KCNG1: variants seen among roughly 807,000 people sequenced by gnomAD.
KCNG1 encodes the protein voltage-gated potassium channel regulatory subunit KCNG1.
KCNG1 carries 17 observed loss-of-function variants against 32.4 expected under a neutral mutation model. The ratio of observed to expected loss-of-function variants is 0.52; its 90% confidence interval spans 0.36 to 0.79. The LOEUF is 0.79. KCNG1 is among the 30% of genes least tolerant of loss of function. The pLI is 0.00. For missense variants in KCNG1, 441 were observed against 735.2 expected (o/e 0.60, Z 4.63); for synonymous variants, 358 against 339.9 (o/e 1.05, Z -0.59).
In KCNG1 at chr20:51,009,553, G is replaced by T. The variant is rs1049830465; in HGVS notation, c.774+12C>A. The T allele has an allele frequency of 1.9e-6, 3 of 1,583,226 alleles. No homozygotes were observed. The highest frequency in any genetic ancestry group is 2.6e-6 in the Non-Finnish European group (3 of 1,167,040). Reference sequence around the variant, plus strand: ...GTGGTGGCGCGTTTCCCCGCGGGGCGTGGGCTCTTACCTGCTCCTCCTCCT... The same window carrying T: ...GTGGTGGCGCGTTTCCCCGCGGGGCTTGGGCTCTTACCTGCTCCTCCTCCT... On this transcript the variant is annotated intron_variant, in intron 2 of 2. Transcript: ENST00000371571.
At chr20:51,013,322 A>AAAAAC (rs1166848432) in intron 1 of KCNG1, among the ~76,000 whole-genome samples, 2 of 150,352 alleles carry the variant, frequency 1.3e-5, no homozygotes, top group Admixed American at 1.3e-4. Context: ...AACAAAACAA[A>AAAAAC]AAAACAAAAT....
At position 51,004,117 on chromosome 20, in the gene KCNG1, G is replaced by T; in HGVS notation, c.1464C>A (p.Thr488=). 1.2e-6 allele frequency: 2 copies of T among 1,614,206 alleles called. No individual in the cohort carries two copies. Among genetic ancestry groups the T allele is most frequent in the Middle Eastern group, 1.6e-4 (1 of 6,062 alleles). Residue 488 remains threonine, a synonymous_variant, in exon 3 of 3, where the codon ACC becomes ACA. Coordinates refer to ENST00000371571, the MANE Select transcript of KCNG1 (RefSeq NM_002237.4). This position sits in a 1 kb window ranked among gnomAD's most constrained non-coding sequence, Gnocchi z 4.3. The stretch of plus-strand genomic sequence containing the variant: ...CCTGGGACACGCTCAGCTGCGACTT[G>T]GTTTTGATGAGGAACTGCGCCCTCC... ...MFRRAQFLIK[T]KSQLSVSQDS... is the part of the protein sequence containing the mutation.
At chr20:51,010,730 A>C (rs1988053052) in intron 1 of KCNG1, among the ~76,000 whole-genome samples, 1 of 152,112 alleles carries the variant, frequency 6.6e-6, no homozygotes. Context: ...CCCTGTCTCT[A>C]CTAAAAGTAC....
Position 51,009,716 on chromosome 20 carries a change from C to T in KCNG1, c.623G>A (p.Arg208His), listed in dbSNP as rs905675787. 6.2e-7 allele frequency: 1 copy of T among 1,604,322 alleles called. No individual in the cohort carries two copies. Among genetic ancestry groups the T allele is most frequent in the Non-Finnish European group, 8.5e-7 (1 of 1,178,042 alleles). Residue 208 changes from arginine (R) to histidine (H), a missense_variant, in exon 2 of 3, where the codon CGC becomes CAC. Arg to His is a conservative substitution (Grantham distance 29). Coordinates refer to ENST00000371571, the MANE Select transcript of KCNG1 (RefSeq NM_002237.4). The stretch of plus-strand genomic sequence containing the variant: ...CATGTCGCGCAGTCGCCGCATGCAG[C>T]GCCCCAGGCGGCCCTCGCCCTCGGC... ...GPAEGEGRLG[R>H]CMRRLRDMVE...
chr20:51,007,930 C>T (rs1308296558), intron 2 of KCNG1: 3 of 152,136 alleles, frequency 2.0e-5, no homozygotes, highest in Non-Finnish European at 4.4e-5. Flanking sequence ...CTGCTACTTC[C>T]TCCACATACA....
At chr20:51,012,014 A>G (rs1988112691) in intron 1 of KCNG1, among the ~76,000 whole-genome samples, 1 of 152,148 alleles carries the variant, frequency 6.6e-6, no homozygotes, top group South Asian at 2.1e-4. Flanking sequence ...GCTGGTCTTG[A>G]ACTCCTGACC....
chr20:51,017,688 T>G (rs1988329081), intron 1 of KCNG1, among the ~76,000 whole-genome samples: 1 of 152,114 alleles, frequency 6.6e-6, no homozygotes, highest in Non-Finnish European at 1.5e-5. Flanking sequence ...GGCCCAGGAA[T>G]GAGCATGTTC....
intron 1 of KCNG1, chr20:51,014,170 C>G (rs549641041): frequency 1.3e-5 from 2 of 152,194 alleles, no homozygotes; most frequent in Non-Finnish European, 2.9e-5. Flanking sequence ...ACCTTGTTCT[C>G]AAAGCCAGAG....
In KCNG1 at chr20:51,010,182, G is replaced by C; in HGVS notation, c.157C>G (p.Arg53Gly). The change falls in exon 2 of 3, where the codon CGC becomes GGC. Residue 53 changes from arginine (R) to glycine (G), a missense_variant. Coordinates refer to ENST00000371571, the MANE Select transcript of KCNG1 (RefSeq NM_002237.4). ...CGGTCCTCGGGCTGACAGCCCTGGC[G>C]GGGCTCATCCTGCGGCCGCAGCCGC... is the stretch of plus-strand genomic sequence containing the variant. ...AQRLRPQDEP[R>G]QGCQPEDRRR... 2 of 1,603,606 alleles carry C rather than the reference G, an allele frequency of 1.2e-6. No individual in the cohort carries two copies. Among genetic ancestry groups the C allele is most frequent in the Non-Finnish European group, 1.7e-6 (2 of 1,175,160 alleles).
At chr20:51,006,549 A>G (rs1256416754) in intron 2 of KCNG1, 1 of 151,252 alleles carries the variant, frequency 6.6e-6, no homozygotes, top group African/African-American at 2.4e-5. Context: ...CAGCCCAATC[A>G]CTTCTTTTTT....
chr20:51,003,829 C>G lies in KCNG1; in HGVS notation c.*210G>C. 1 of 571,696 alleles carries G rather than the reference C, an allele frequency of 1.7e-6. No homozygotes were observed. Among genetic ancestry groups the G allele is most frequent in the South Asian group, 2.3e-5 (1 of 42,808 alleles). 35.4% of individuals were successfully genotyped at this position (571,696 alleles called of 1,614,324 possible). On this transcript the variant is annotated 3_prime_UTR_variant, in exon 3 of 3. Transcript: ENST00000371571. The stretch of plus-strand genomic sequence containing the variant: ...GGGCTGATGACCCAGCTTCCTTTCA[C>G]GGCTGCAGGCGGAGGGGCAGGGCCC...
In KCNG1 at chr20:51,004,145, A is replaced by G; in HGVS notation, c.1436T>C (p.Phe479Ser). 1 of 1,614,146 alleles carries G rather than the reference A, an allele frequency of 6.2e-7. No individual in the cohort carries two copies. The highest frequency in any genetic ancestry group is 8.5e-7 in the Non-Finnish European group (1 of 1,180,022). The change falls in exon 3 of 3, where the codon TTC (phenylalanine) becomes TCC (serine). Residue 479 changes from phenylalanine to serine, a missense_variant. By Grantham distance (155) the Phe-to-Ser change is radical (BLOSUM62 -2). Transcript: ENST00000371571. This position sits in a 1 kb window ranked among gnomAD's most constrained non-coding sequence, Gnocchi z 4.3. ...TTTGATGAGGAACTGCGCCCTCCGG[A>G]ACATCACCCTCTCTTGCTCCTGCTT... is the stretch of plus-strand genomic sequence containing the variant. ...ELKQEQERVM[F>S]RRAQFLIKTK...
chr20:51,022,537 G>T (rs1197526335), intron 1 of KCNG1: 1 of 152,234 alleles, frequency 6.6e-6, no homozygotes, highest in African/African-American at 2.4e-5. Context: ...CCCAGGATCG[G>T]GGGAGAAACC....
At chr20:51,009,110 C>T (rs150142862) in intron 2 of KCNG1, among the ~76,000 whole-genome samples, 320 of 152,334 alleles carry the variant, frequency 2.1e-3, no homozygotes, top group African/African-American at 7.3e-3. Flanking sequence ...AAATTATCTT[C>T]AGGACCCAGA....
In KCNG1 at chr20:51,021,535, G is replaced by A. The variant is rs201573546; in HGVS notation, c.-27+1335C>T. On this transcript the variant is annotated intron_variant, in intron 1 of 2. Coordinates refer to ENST00000371571, the MANE Select transcript of KCNG1 (RefSeq NM_002237.4). ...ATGGGGGTATCAAACACACACTAAT[G>A]AATAAACCTCTGCTCAGATTCATAG... 3.3e-5 allele frequency among the ~76,000 whole-genome samples: 5 copies of A among 152,238 alleles called. No individual in the cohort carries two copies. In the East Asian group the frequency reaches 9.7e-4, roughly 29 times the overall value.
chr20:51,004,613 G>C lies in KCNG1; in HGVS notation c.968C>G (p.Ala323Gly), dbSNP rs753336633. The C allele has an allele frequency of 6.3e-7, 1 of 1,585,724 alleles. No homozygotes were observed. Among genetic ancestry groups the C allele is most frequent in the African/African-American group, 1.3e-5 (1 of 74,392 alleles). ...YITLLVDGAA[A>G]GRRKPGAGNS... Reference sequence around the variant, plus strand: ...GCCCGCGCCGGGCTTGCGACGGCCTGCGGCGGCGCCGTCCACCAGCAGCGT... The same window carrying C: ...GCCCGCGCCGGGCTTGCGACGGCCTCCGGCGGCGCCGTCCACCAGCAGCGT... The change falls in exon 3 of 3, where the codon GCA (alanine) becomes GGA (glycine). Residue 323 changes from alanine (A) to glycine (G), a missense_variant. Ala to Gly is a moderately conservative substitution (Grantham distance 60). This residue lies in a region of KCNG1 where 169 missense variants were observed against 297.7 expected (regional missense o/e 0.57). Coordinates refer to ENST00000371571, the MANE Select transcript of KCNG1 (RefSeq NM_002237.4). This position sits in a 1 kb window ranked among gnomAD's most constrained non-coding sequence, Gnocchi z 4.3.
At position 51,011,231 on chromosome 20, in the gene KCNG1, C is replaced by T. The variant is rs550618229; in HGVS notation, c.-26-867G>A. On this transcript the variant is annotated intron_variant, in intron 1 of 2. Transcript: ENST00000371571. ...TCCATCTATGCACTGGGGATGCAGC[C>T]GTGTGCAGAATGTGAAGGGGTCTCT... Among the ~76,000 whole-genome samples the T allele has an allele frequency of 1.8e-4, 27 of 152,246 alleles. No individual in the cohort carries two copies. In the South Asian group the frequency reaches 1.9e-3, roughly 11 times the overall value.
chr20:51,005,228 C>T lies in KCNG1; in HGVS notation c.775-422G>A, dbSNP rs981914359. The T allele has an allele frequency of 1.3e-5, 2 of 159,212 alleles. No homozygotes were observed. The highest frequency in any genetic ancestry group is 4.8e-5 in the African/African-American group (2 of 41,678). 9.9% of individuals were successfully genotyped at this position (159,212 alleles called of 1,614,324 possible). A position where few individuals can be genotyped will look rare whatever the true frequency, so the allele number is the denominator to read the frequency against. Reference sequence around the variant, plus strand: ...ATCCTTACCACCTTGCGTATAACCCCCAGGAAGTCTCTTCATTTAAAACAG... The same window carrying T: ...ATCCTTACCACCTTGCGTATAACCCTCAGGAAGTCTCTTCATTTAAAACAG... On this transcript the variant is annotated intron_variant, in intron 2 of 2. Transcript: ENST00000371571. This position sits in a 1 kb window ranked among gnomAD's most constrained non-coding sequence, Gnocchi z 4.0.
At chr20:51,022,279 C>G (rs12373875) in intron 1 of KCNG1, among the ~76,000 whole-genome samples, 33 of 152,230 alleles carry the variant, frequency 2.2e-4, no homozygotes, top group Non-Finnish European at 4.6e-4. Flanking sequence ...GAGCCTCTCT[C>G]CCACATGGAA....
Sources: allele counts gnomAD v4.1 joint callset (sites outside exome capture counted in the v4.1 genomes callset), GRCh38; gene constraint gnomAD v4.1.1; regional missense constraint gnomAD v4.1.1; non-coding constraint Gnocchi (gnomAD v3.1); transcripts MANE v1.5; gene names NCBI Gene and HGNC (gene_info 2026-07-23, HGNC 2026-07-21).